LRRC1: variants seen among roughly 807,000 people sequenced by gnomAD.
LRRC1 encodes leucine rich repeat containing 1, also known as leucine-rich repeat-containing protein 1.
Under a neutral mutation model 69.9 loss-of-function variants are expected in LRRC1, and 28 were observed. The ratio of observed to expected loss-of-function variants is 0.40; its 90% CI spans 0.30 to 0.55. LRRC1 has a LOEUF of 0.55. Among genes scored for constraint, LRRC1 ranks in the 20% least tolerant of loss-of-function variants. The pLI is 0.47. For synonymous variants in LRRC1, 236 were observed against 240.2 expected (o/e 0.98, Z 0.16); for missense variants, 498 against 609.0 (o/e 0.82, Z 1.92).
chr6:53,847,511 T>G (rs1464777309), intron 2 of LRRC1, among the ~76,000 whole-genome samples: 1 of 152,240 alleles, frequency 6.6e-6, no homozygotes, highest in African/African-American at 2.4e-5. Context: ...ATACCTTCAC[T>G]AATTATTTCA....
intron 3 of LRRC1, among the ~76,000 whole-genome samples, chr6:53,880,821 T>G (rs1767266774): frequency 6.6e-6 from 1 of 152,248 alleles, no homozygotes; most frequent in South Asian, 2.1e-4. Context: ...CAACTGTCAT[T>G]CCTGGAATGG....
intron 1 of LRRC1, among the ~76,000 whole-genome samples, 160 bp downstream of exon 1, chr6:53,795,575 C>T (rs1433538971): frequency 6.6e-6 from 1 of 152,222 alleles, no homozygotes; most frequent in Non-Finnish European, 1.5e-5. Context: ...TCTTTACTTC[C>T]ATCCTTTCCC....
At chr6:53,875,232 A>G (rs530800170) in intron 2 of LRRC1, among the ~76,000 whole-genome samples, 3 of 152,208 alleles carry the variant, frequency 2.0e-5, no homozygotes, top group Non-Finnish European at 2.9e-5. Flanking sequence ...TACATATAAC[A>G]TCAGGAACTT....
intron 1 of LRRC1, among the ~76,000 whole-genome samples, chr6:53,815,612 T>C (rs980286096): frequency 1.3e-5 from 2 of 152,202 alleles, no homozygotes; most frequent in African/African-American, 4.8e-5. Context: ...AATTTTGTCC[T>C]GCCAAGGCCC....
chr6:53,798,352 G>C (rs900562737), intron 1 of LRRC1, among the ~76,000 whole-genome samples: 7 of 151,990 alleles, frequency 4.6e-5, no homozygotes, highest in African/African-American at 1.7e-4. Context: ...AGATGTCTGT[G>C]TGTTTTTGCT....
chr6:53,845,524 T>C (rs1281124094), intron 2 of LRRC1, among the ~76,000 whole-genome samples: 1 of 152,166 alleles, frequency 6.6e-6, no homozygotes, highest in Non-Finnish European at 1.5e-5. Context: ...TTGCCCCAGA[T>C]GGCGGTGCCT....
chr6:53,871,015 C>A (rs1321536913), intron 2 of LRRC1, among the ~76,000 whole-genome samples: 7 of 152,126 alleles, frequency 4.6e-5, no homozygotes, highest in Admixed American at 4.6e-4. Context: ...GAAATATACA[C>A]ATTTTCTTTA....
intron 1 of LRRC1, among the ~76,000 whole-genome samples, chr6:53,839,877 A>C (rs1765718499): frequency 6.6e-6 from 1 of 152,146 alleles, no homozygotes. Flanking sequence ...ATCACCAAAC[A>C]TTCTGAAAGA....
chr6:53,807,681 GT>G (rs1478655241), intron 1 of LRRC1, among the ~76,000 whole-genome samples: 1 of 152,144 alleles, frequency 6.6e-6, no homozygotes, highest in Admixed American at 6.5e-5. Flanking sequence ...GGAGATGGAG[GT>G]TGCAGTGAGC....
intron 2 of LRRC1, among the ~76,000 whole-genome samples, chr6:53,845,065 TTGG>T (rs1765899904): frequency 6.6e-6 from 1 of 152,052 alleles, no homozygotes. Flanking sequence ...TTAACCAGGC[TTGG>T]TGGCACGTGC....
chr6:53,815,720 C>T (rs1398930964), intron 1 of LRRC1, among the ~76,000 whole-genome samples: 2 of 152,168 alleles, frequency 1.3e-5, no homozygotes, highest in Non-Finnish European at 2.9e-5. Flanking sequence ...CAAGTTCTCT[C>T]TCCTCCTGCG....
intron 1 of LRRC1, among the ~76,000 whole-genome samples, chr6:53,827,826 G>A (rs746025976): frequency 6.6e-6 from 1 of 152,134 alleles, no homozygotes; most frequent in African/African-American, 2.4e-5. Context: ...GGGCAGTTGT[G>A]TTGCTAGTGT....
intron 4 of LRRC1, among the ~76,000 whole-genome samples, chr6:53,893,926 A>G (rs9357774): frequency 0.55 from 84,275 of 151,982 alleles, 24,974 homozygotes; most frequent in East Asian, 0.9. Flanking sequence ...GCTTATAGTA[A>G]CTGTAGCCTA....
intron 11 of LRRC1, among the ~76,000 whole-genome samples, chr6:53,916,196 T>G (rs1768560303): frequency 6.6e-6 from 1 of 152,220 alleles, no homozygotes; most frequent in African/African-American, 2.4e-5. Flanking sequence ...CATAGGAATA[T>G]CCACCAAGTG....
In LRRC1 at chr6:53,896,543, A is replaced by G. The variant is rs745592752; in HGVS notation, c.492A>G (p.Thr164=). Residue 164 remains threonine (T), a synonymous_variant, in exon 5 of 14, where the codon ACA becomes ACG. Transcript: ENST00000370888. ...TGGAACTGAGAGAGAATCTTCTTAC[A>G]TATCTTCCTGAGTGAGTCTTTGGGG... is the stretch of plus-strand genomic sequence containing the variant. ...ASLELRENLL[T]YLPDSLTQLR... is the part of the protein sequence containing the mutation. 3.3e-5 allele frequency: 54 copies of G among 1,612,510 alleles called. No homozygotes were observed. The highest frequency in any genetic ancestry group is 4.2e-5 in the Non-Finnish European group (50 of 1,178,778).
intron 4 of LRRC1, among the ~76,000 whole-genome samples, chr6:53,884,488 C>T (rs1243443118): frequency 6.6e-6 from 1 of 152,134 alleles, no homozygotes; most frequent in Non-Finnish European, 1.5e-5. Context: ...GCCTGGGTGA[C>T]AGAGCAAGAC....
chr6:53,839,279 C>T (rs2127415208), intron 1 of LRRC1, among the ~76,000 whole-genome samples: 1 of 151,938 alleles, frequency 6.6e-6, no homozygotes, highest in South Asian at 2.1e-4. Flanking sequence ...AATTGCTTTC[C>T]AAGAGGCAAT....
chr6:53,853,315 C>T (rs1294307568), intron 2 of LRRC1, among the ~76,000 whole-genome samples: 221 of 135,876 alleles, frequency 1.6e-3, no homozygotes, highest in African/African-American at 5.8e-3. Context: ...GACGAAGTTT[C>T]GCTCTGTTGC....
rs374212235 is a variant in LRRC1 at position 53,812,583 on chromosome 6, G to A, written c.159+17168G>A. Among the ~76,000 whole-genome samples the A allele has an allele frequency of 2.0e-3, 297 of 150,646 alleles. 1 individual carries two copies. Among genetic ancestry groups the A allele is most frequent in the African/African-American group, 6.7e-3 (276 of 40,940 alleles). ...CGGGCGCCTGTAGTCCCAGCTACTC[G>A]GGAGGCTGAGGCAGGAGAATGGCGT... On this transcript the variant is annotated intron_variant, in intron 1 of 13. Coordinates refer to ENST00000370888, the MANE Select transcript of LRRC1 (RefSeq NM_018214.5).
Sources: gnomAD v4.1 joint callset for allele counts (sites outside exome capture counted in the v4.1 genomes callset) on GRCh38, gnomAD v4.1.1 for gene constraint, MANE v1.5 for transcripts, NCBI Gene and HGNC (gene_info 2026-07-23, HGNC 2026-07-21) for gene names.